The following DOCK9 variants were observed in gnomAD, a reference collection of about 807,000 sequenced individuals.
The protein encoded by DOCK9 is dedicator of cytokinesis 9.
In DOCK9, 89 loss-of-function variants were observed where a neutral mutation model predicts 263.3. The ratio of observed to expected loss-of-function variants is 0.34; its 90% confidence interval spans 0.28 to 0.40. The LOEUF (loss-of-function observed/expected upper bound fraction) is 0.40. Ranked by LOEUF, DOCK9 falls within the 10% of genes least tolerant of loss-of-function variation. DOCK9 has a pLI of 1.00. For missense variants in DOCK9, 2,140 were observed against 2,603.4 expected, an observed-to-expected ratio of 0.82 and a Z score of 3.87; for synonymous variants, 976 against 973.1, an observed-to-expected ratio of 1.00 and a Z score of -0.06.
chr13:98,815,607 G>A (rs747864363), intron 45 of DOCK9, among the ~76,000 whole-genome samples: 2 of 151,900 alleles, frequency 1.3e-5, no homozygotes, highest in African/African-American at 2.4e-5. Flanking sequence ...TCAGCCTCCC[G>A]AGTAGCTGGG....
intron 45 of DOCK9, among the ~76,000 whole-genome samples, chr13:98,814,496 C>A (rs1410750958): frequency 6.6e-6 from 1 of 151,328 alleles, no homozygotes; most frequent in Non-Finnish European, 1.5e-5. Flanking sequence ...ACCTCCACCT[C>A]CCGGATTCAA....
At chr13:98,981,904 T>C (rs1329995815), upstream of DOCK9, among the ~76,000 whole-genome samples, 1 of 152,180 alleles carries the variant, frequency 6.6e-6, no homozygotes, top group Non-Finnish European at 1.5e-5. Context: ...ACATTTTCCT[T>C]TCCAACATTT....
chr13:98,835,733 CTTTTTTTTTTTT>C (rs142745340), intron 39 of DOCK9, among the ~76,000 whole-genome samples: 98 of 79,406 alleles, frequency 1.2e-3, no homozygotes, highest in African/African-American at 5.6e-3. Flanking sequence ...CTTTACAACT[CTTTTTTTTTTTT>C]TTTTTTTTTT....
At chr13:98,837,249 C>T (rs1373828498) in intron 39 of DOCK9, among the ~76,000 whole-genome samples, 2 of 152,140 alleles carry the variant, frequency 1.3e-5, no homozygotes, top group African/African-American at 4.8e-5. Flanking sequence ...CTCCAGAGAC[C>T]GTGTTTCCAC....
At chr13:98,890,070 A>T (rs901303804) in intron 15 of DOCK9, among the ~76,000 whole-genome samples, 1 of 152,186 alleles carries the variant, frequency 6.6e-6, no homozygotes, top group African/African-American at 2.4e-5. Flanking sequence ...TGTCTTGCTG[A>T]AATTTCATCG....
intron 52 of DOCK9, chr13:98,796,155 GCTTTTTCTAAGTC>G: frequency 7.0e-7 from 1 of 1,429,990 alleles, no homozygotes; most frequent in South Asian, 1.2e-5. Flanking sequence ...AAAAGTAATA[GCTTTTTCTAAGTC>G]AGATTATCAG....
intron 30 of DOCK9, among the ~76,000 whole-genome samples, chr13:98,864,896 C>T (rs1056774918): frequency 7.9e-5 from 12 of 152,136 alleles, no homozygotes; most frequent in African/African-American, 1.9e-4. Flanking sequence ...GAGAGTGTGG[C>T]GCCTCACTCC....
chr13:98,847,006 T>C (rs1265214523), intron 37 of DOCK9: 2 of 171,562 alleles, frequency 1.2e-5, no homozygotes, highest in Non-Finnish European at 2.5e-5. Context: ...GTCCACACTT[T>C]TATATGCAAA....
chr13:99,058,166 CT>C (rs1227722245), intron 1 of DOCK9, among the ~76,000 whole-genome samples: 326 of 139,458 alleles, frequency 2.3e-3, no homozygotes, highest in Admixed American at 3.2e-3. Flanking sequence ...TACTTGATAT[CT>C]TTTTTTTTTT....
chr13:98,958,399 G>C (rs940389104), intron 1 of DOCK9, among the ~76,000 whole-genome samples: 1 of 152,180 alleles, frequency 6.6e-6, no homozygotes, highest in Admixed American at 6.5e-5. Context: ...GCCTTGGGTG[G>C]GGGTGAGAGG....
At chr13:98,960,893 T>A (rs1330854090) in intron 1 of DOCK9, among the ~76,000 whole-genome samples, 1 of 152,190 alleles carries the variant, frequency 6.6e-6, no homozygotes, top group Non-Finnish European at 1.5e-5. Context: ...TACTGAGCCT[T>A]CTCAAGGTTA....
intron 3 of DOCK9, 140 bp from the exon 4 acceptor site, chr13:98,926,059 T>G: frequency 1.8e-6 from 1 of 570,418 alleles, no homozygotes; most frequent in Non-Finnish European, 3.1e-6. Flanking sequence ...ATGCCTGAAA[T>G]TCCACCACCA....
chr13:98,799,665 C>A (rs1292105763), intron 50 of DOCK9, among the ~76,000 whole-genome samples: 1 of 152,044 alleles, frequency 6.6e-6, no homozygotes, highest in Non-Finnish European at 1.5e-5. Flanking sequence ...AAAAATATAT[C>A]CTGACCCTTA....
intron 1 of DOCK9, among the ~76,000 whole-genome samples, chr13:99,063,998 GA>G (rs2041309431): frequency 6.6e-6 from 1 of 152,116 alleles, no homozygotes. Flanking sequence ...TCTCTATTCT[GA>G]AGCCTTCTAC....
At chr13:98,886,499 C>T in intron 19 of DOCK9, 33 bp downstream of exon 19, 2 of 1,595,714 alleles carry the variant, frequency 1.3e-6, no homozygotes, top group Non-Finnish European at 1.7e-6. Context: ...TAAAACTGGT[C>T]AAATTCGGTT....
intron 50 of DOCK9, among the ~76,000 whole-genome samples, chr13:98,798,850 T>C (rs2089766233): frequency 6.6e-6 from 1 of 152,224 alleles, no homozygotes. Flanking sequence ...TGACTGGGAA[T>C]TTTATAAAAT....
intron 1 of DOCK9, among the ~76,000 whole-genome samples, chr13:99,046,656 A>C (rs2040449204): frequency 6.6e-6 from 1 of 152,238 alleles, no homozygotes; most frequent in South Asian, 2.1e-4. Flanking sequence ...GTTATCACAT[A>C]CTGTGTGTAA....
At chr13:98,940,522 C>G (rs1421245802) in intron 2 of DOCK9, among the ~76,000 whole-genome samples, 5 of 152,136 alleles carry the variant, frequency 3.3e-5, no homozygotes, top group African/African-American at 7.2e-5. Flanking sequence ...CCGTGGCCCC[C>G]CAAAGTGCTA....
intron 1 of DOCK9, among the ~76,000 whole-genome samples, chr13:99,066,045 G>A (rs556304378): frequency 6.6e-6 from 1 of 152,252 alleles, no homozygotes; most frequent in Admixed American, 6.5e-5. Context: ...TCTTTACCCA[G>A]GAGATTAACA....
Sources: allele counts gnomAD v4.1 joint callset (sites outside exome capture counted in the v4.1 genomes callset), GRCh38; gene constraint gnomAD v4.1.1; transcripts MANE v1.5; gene names NCBI Gene and HGNC (gene_info 2026-07-23, HGNC 2026-07-21).